CSMD1: variants seen among roughly 807,000 people sequenced by gnomAD.
CSMD1 encodes the protein CUB and sushi domain-containing protein 1.
CSMD1 carries 213 observed loss-of-function variants against 417.5 expected under a neutral mutation model. The observed-to-expected ratio is 0.51, with a 90% CI of 0.46 to 0.57. The LOEUF (loss-of-function observed/expected upper bound fraction) is 0.57, where lower values mean the gene tolerates loss of function less well. Among genes scored for constraint, CSMD1 ranks in the 20% least tolerant of loss-of-function variants. CSMD1 has a pLI of 0.00. For synonymous variants in CSMD1, 2,862 were observed against 1,736.8 expected, an observed-to-expected ratio of 1.65 and a Z score of -16.11; for missense variants, 6,923 against 4,529.7, an observed-to-expected ratio of 1.53 and a Z score of -15.17.
intron 3 of CSMD1, among the ~76,000 whole-genome samples, chr8:4,266,948 T>C (rs1257629803): frequency 9.6e-6 from 1 of 104,420 alleles, no homozygotes; most frequent in Non-Finnish European, 2.6e-5. Flanking sequence ...ATATCTATTA[T>C]TGAATAAAAT....
At chr8:3,881,505 T>C (rs1337528974) in intron 5 of CSMD1, among the ~76,000 whole-genome samples, 4 of 149,012 alleles carry the variant, frequency 2.7e-5, no homozygotes, top group Admixed American at 1.3e-4. Flanking sequence ...GGCGTAGTGG[T>C]GGGTGCCTGT....
At chr8:4,369,724 A>G (rs1340031509) in intron 3 of CSMD1, among the ~76,000 whole-genome samples, 1 of 152,068 alleles carries the variant, frequency 6.6e-6, no homozygotes, top group African/African-American at 2.4e-5. Flanking sequence ...TTGTTGGTTT[A>G]AAGATCGTTT....
chr8:4,538,175 A>T (rs1352690476), intron 2 of CSMD1, among the ~76,000 whole-genome samples: 2 of 145,746 alleles, frequency 1.4e-5, no homozygotes, highest in Admixed American at 1.5e-4. Context: ...TGTAACATGC[A>T]ACTGGAGGTG....
At chr8:4,143,717 G>A (rs1430178585) in intron 3 of CSMD1, among the ~76,000 whole-genome samples, 3 of 151,006 alleles carry the variant, frequency 2.0e-5, no homozygotes, top group African/African-American at 7.4e-5. Context: ...ACAAAGGAAA[G>A]AAACATAGGA....
At chr8:4,195,419 G>C (rs892483635) in intron 3 of CSMD1, among the ~76,000 whole-genome samples, 1 of 152,124 alleles carries the variant, frequency 6.6e-6, no homozygotes, top group Middle Eastern at 3.2e-3. Context: ...ACCGATGCAA[G>C]ACTGTGTCAT....
chr8:3,290,440 T>A (rs1390075344), intron 25 of CSMD1, among the ~76,000 whole-genome samples: 3 of 146,020 alleles, frequency 2.1e-5, no homozygotes, highest in Non-Finnish European at 4.4e-5. Context: ...TTCACAATAT[T>A]GATTCTTCCT....
chr8:4,923,029 T>C lies in CSMD1; in HGVS notation c.85+71303A>G, dbSNP rs1806601468. Among the ~76,000 whole-genome samples the C allele has an allele frequency of 9.2e-5, 14 of 152,310 alleles. No homozygotes were observed. The South Asian group carries it at 2.9e-3, about 32-fold the overall frequency. On this transcript the variant is annotated intron_variant, in intron 1 of 69. Coordinates refer to ENST00000635120, the MANE Select transcript of CSMD1 (RefSeq NM_033225.6). Reference sequence around the variant, plus strand: ...CATCCACCTCAGCTAGATGGGGTGCTACTACTCAGGCATAACTCCAAGAAT... The same window carrying C: ...CATCCACCTCAGCTAGATGGGGTGCCACTACTCAGGCATAACTCCAAGAAT...
At chr8:4,896,864 G>T (rs780439026) in intron 1 of CSMD1, among the ~76,000 whole-genome samples, 2 of 151,996 alleles carry the variant, frequency 1.3e-5, no homozygotes, top group Non-Finnish European at 2.9e-5. Context: ...CAGCTGCCGG[G>T]AACACTGTCC....
intron 3 of CSMD1, among the ~76,000 whole-genome samples, chr8:4,190,275 AG>A (rs1299233183): frequency 2.9e-4 from 42 of 142,382 alleles, no homozygotes; most frequent in African/African-American, 1.1e-3. Flanking sequence ...AAAAAAAAAA[AG>A]CAGAGACTCT....
At chr8:3,201,052 T>C (rs1408544581) in intron 32 of CSMD1, among the ~76,000 whole-genome samples, 1 of 152,204 alleles carries the variant, frequency 6.6e-6, no homozygotes, top group Non-Finnish European at 1.5e-5. Flanking sequence ...ACCGTGTTTG[T>C]TAGAGACAGA....
intron 8 of CSMD1, among the ~76,000 whole-genome samples, chr8:3,594,283 A>G (rs1800991883): frequency 6.6e-6 from 1 of 152,226 alleles, no homozygotes; most frequent in African/African-American, 2.4e-5. Context: ...CTCTTGGTCA[A>G]TATATTAAAT....
intron 50 of CSMD1, among the ~76,000 whole-genome samples, chr8:3,040,134 G>C (rs1337049099): frequency 6.6e-6 from 1 of 152,054 alleles, no homozygotes. Flanking sequence ...GAGAAGTCAG[G>C]CTCTAGAATT....
At chr8:4,961,373 G>C (rs4637858) in intron 1 of CSMD1, among the ~76,000 whole-genome samples, 2 of 151,952 alleles carry the variant, frequency 1.3e-5, no homozygotes, top group African/African-American at 4.8e-5. Context: ...TTGCCCCTGA[G>C]GCATTCAGTA....
At chr8:4,551,174 A>C (rs1411231624) in intron 2 of CSMD1, among the ~76,000 whole-genome samples, 1 of 152,092 alleles carries the variant, frequency 6.6e-6, no homozygotes, top group African/African-American at 2.4e-5. Flanking sequence ...CTTACCTTCC[A>C]CGGACTCAGC....
intron 4 of CSMD1, among the ~76,000 whole-genome samples, chr8:4,012,516 T>C (rs1050981704): frequency 1.3e-5 from 2 of 152,140 alleles, no homozygotes; most frequent in Non-Finnish European, 2.9e-5. Flanking sequence ...GTATGCATGA[T>C]CCCTACACCC....
intron 1 of CSMD1, among the ~76,000 whole-genome samples, chr8:4,643,268 A>C (rs1803318202): frequency 6.6e-6 from 1 of 152,340 alleles, no homozygotes; most frequent in East Asian, 1.9e-4. Context: ...ACTCAGGGGC[A>C]GTGTCGATCC....
At chr8:3,410,819 A>G (rs1812648231) in intron 12 of CSMD1, among the ~76,000 whole-genome samples, 1 of 152,154 alleles carries the variant, frequency 6.6e-6, no homozygotes, top group East Asian at 1.9e-4. Flanking sequence ...GCTCACTGCA[A>G]CTTCCAACTC....
At chr8:4,293,479 C>T (rs1368577562) in intron 3 of CSMD1, among the ~76,000 whole-genome samples, 1 of 152,152 alleles carries the variant, frequency 6.6e-6, no homozygotes, top group Non-Finnish European at 1.5e-5. Context: ...ATTTATATAT[C>T]TAGCTCAGTA....
chr8:4,843,741 T>C (rs750581811), intron 1 of CSMD1, among the ~76,000 whole-genome samples: 13 of 152,226 alleles, frequency 8.5e-5, no homozygotes, highest in Non-Finnish European at 1.8e-4. Flanking sequence ...CCTATCACAG[T>C]GCAGTGAGGT....
Sources: allele counts gnomAD v4.1 joint callset (sites outside exome capture counted in the v4.1 genomes callset), GRCh38; gene constraint gnomAD v4.1.1; transcripts MANE v1.5; gene names NCBI Gene and HGNC (gene_info 2026-07-23, HGNC 2026-07-21).